TGFA: variants seen among roughly 807,000 people sequenced by gnomAD.
TGFA encodes transforming growth factor alpha.
A neutral mutation model predicts 21.7 loss-of-function variants in TGFA; 12 were observed. The ratio of observed to expected loss-of-function variants is 0.55; its 90% confidence interval spans 0.35 to 0.90. TGFA has a LOEUF of 0.90. Ranked by LOEUF, TGFA falls within the 40% of genes least tolerant of loss-of-function variation. The pLI, the probability that TGFA is intolerant of heterozygous loss-of-function variation, is 0.01. For missense variants in TGFA, 178 were observed against 210.8 expected, an observed-to-expected ratio of 0.84 and a Z score of 0.96; for synonymous variants, 79 against 88.1, an observed-to-expected ratio of 0.90 and a Z score of 0.58.
intron 1 of TGFA, among the ~76,000 whole-genome samples, chr2:70,515,612 T>G (rs11466218): frequency 5.9e-5 from 9 of 152,122 alleles, no homozygotes; most frequent in African/African-American, 2.2e-4. Context: ...CCTGCCAGGA[T>G]GTACTAGGTA....
chr2:70,507,977 C>T (rs552819066), intron 2 of TGFA, among the ~76,000 whole-genome samples: 7 of 152,326 alleles, frequency 4.6e-5, no homozygotes, highest in African/African-American at 1.7e-4. Flanking sequence ...GCATTTGTTG[C>T]CAAACCTGTT....
chr2:70,537,848 G>A (rs1474997049), intron 1 of TGFA, among the ~76,000 whole-genome samples: 9 of 152,154 alleles, frequency 5.9e-5, no homozygotes. Flanking sequence ...TGATGAAGGT[G>A]GCTACTCTGC....
intron 1 of TGFA, among the ~76,000 whole-genome samples, chr2:70,534,827 T>C (rs1399449249): frequency 6.6e-6 from 1 of 152,200 alleles, no homozygotes; most frequent in Non-Finnish European, 1.5e-5. Flanking sequence ...TGGCTGCATT[T>C]AGCCCAAGTC....
At chr2:70,490,200 A>G (rs1488570273) in intron 2 of TGFA, among the ~76,000 whole-genome samples, 1 of 152,252 alleles carries the variant, frequency 6.6e-6, no homozygotes, top group East Asian at 1.9e-4. Flanking sequence ...AGCAAAATTT[A>G]TTGAAAATAA....
At chr2:70,479,739 C>T (rs1671054144) in intron 2 of TGFA, among the ~76,000 whole-genome samples, 1 of 151,978 alleles carries the variant, frequency 6.6e-6, no homozygotes, top group South Asian at 2.1e-4. Flanking sequence ...ATCTAATCTT[C>T]TGCTCATTAG....
intron 1 of TGFA, among the ~76,000 whole-genome samples, chr2:70,537,927 C>A (rs1171120738): frequency 6.6e-6 from 1 of 152,164 alleles, no homozygotes; most frequent in African/African-American, 2.4e-5. Flanking sequence ...ATGTTTGTAG[C>A]TATGGAGAAG....
intron 1 of TGFA, among the ~76,000 whole-genome samples, chr2:70,546,439 C>G (rs72912111): frequency 3.3e-5 from 5 of 151,934 alleles, no homozygotes; most frequent in Admixed American, 2.0e-4. Flanking sequence ...GCCCAATAGA[C>G]AGTTTTTCAA....
intron 2 of TGFA, among the ~76,000 whole-genome samples, chr2:70,502,004 C>T (rs1265327024): frequency 2.0e-5 from 3 of 152,240 alleles, no homozygotes; most frequent in Non-Finnish European, 4.4e-5. Context: ...GTGGCAGGTT[C>T]TGGGCACTTG....
intron 2 of TGFA, among the ~76,000 whole-genome samples, chr2:70,474,677 C>T (rs1037293503): frequency 6.6e-6 from 1 of 152,196 alleles, no homozygotes. Context: ...GCTATCAGGC[C>T]TTCCACTAAG....
At chr2:70,517,887 T>C (rs889486995) in intron 1 of TGFA, among the ~76,000 whole-genome samples, 2 of 152,244 alleles carry the variant, frequency 1.3e-5, no homozygotes, top group African/African-American at 4.8e-5. Flanking sequence ...CTCCCTGCCA[T>C]GAACAAGGTC....
intron 2 of TGFA, among the ~76,000 whole-genome samples, chr2:70,480,295 T>A (rs1191906188): frequency 6.6e-6 from 1 of 152,184 alleles, no homozygotes; most frequent in Non-Finnish European, 1.5e-5. Flanking sequence ...TGGCCTGCCC[T>A]CACCCTCATA....
rs540123557 is a variant in TGFA, at chr2:70,462,665, A to G, written c.215+2951T>C. ...ATGGAAATGTGAAATCTCCCTTCTA[A>G]AATGCTGACAACTGATTAAAGCCAT... On this transcript the variant is annotated intron_variant, in intron 3 of 5. Transcript: ENST00000295400. Among the ~76,000 whole-genome samples, 7 of 152,304 alleles carry G rather than the reference A, an allele frequency of 4.6e-5. No homozygotes were observed. The South Asian group carries it at 1.4e-3, about 32-fold the overall frequency.
At chr2:70,551,187 G>A (rs545482899) in intron 1 of TGFA, among the ~76,000 whole-genome samples, 1 of 152,076 alleles carries the variant, frequency 6.6e-6, no homozygotes, top group South Asian at 2.1e-4. Flanking sequence ...AGAAAAACAA[G>A]GCATAGAAAA....
chr2:70,507,233 C>A (rs1175199302), intron 2 of TGFA, among the ~76,000 whole-genome samples: 1 of 152,366 alleles, frequency 6.6e-6, no homozygotes, highest in Non-Finnish European at 1.5e-5. Flanking sequence ...TCAGTGCACA[C>A]TGGCCAACAG....
intron 5 of TGFA, among the ~76,000 whole-genome samples, chr2:70,452,137 G>A (rs1471224917): frequency 5.3e-5 from 8 of 152,164 alleles, no homozygotes; most frequent in African/African-American, 1.9e-4. Flanking sequence ...CATGGACCCT[G>A]GAACTTCTGA....
At chr2:70,471,996 T>A (rs1670764393) in intron 2 of TGFA, among the ~76,000 whole-genome samples, 1 of 152,124 alleles carries the variant, frequency 6.6e-6, no homozygotes, top group Non-Finnish European at 1.5e-5. Context: ...TTCTTCCTGC[T>A]TTTCTCTCTC....
At chr2:70,535,207 A>G (rs572111930) in intron 1 of TGFA, among the ~76,000 whole-genome samples, 35 of 133,468 alleles carry the variant, frequency 2.6e-4, no homozygotes, top group African/African-American at 9.4e-4. Context: ...TGTCATACCA[A>G]GAAGGTGCCC....
At chr2:70,511,612 TG>T (rs1553500929) in intron 2 of TGFA, among the ~76,000 whole-genome samples, 1 of 152,168 alleles carries the variant, frequency 6.6e-6, no homozygotes. Context: ...ATTGCCTTTC[TG>T]GTGCAGTAAT....
chr2:70,521,859 T>C (rs1672482710), intron 1 of TGFA, among the ~76,000 whole-genome samples: 1 of 152,070 alleles, frequency 6.6e-6, no homozygotes, highest in Non-Finnish European at 1.5e-5. Context: ...ATGATTCACC[T>C]GCCTTGGCCT....
Sources: gnomAD v4.1 joint callset for allele counts (sites outside exome capture counted in the v4.1 genomes callset) on GRCh38, gnomAD v4.1.1 for gene constraint, MANE v1.5 for transcripts, NCBI Gene and HGNC (gene_info 2026-07-23, HGNC 2026-07-21) for gene names.